CAMTA1: variants seen among roughly 807,000 people sequenced by gnomAD.
The protein encoded by CAMTA1 is calmodulin binding transcription activator 1, also known as calmodulin-binding transcription activator 1.
A neutral mutation model predicts 170.9 loss-of-function variants in CAMTA1; 27 were observed. The ratio of observed to expected loss-of-function variants is 0.16; its 90% confidence interval spans 0.12 to 0.22. CAMTA1 has a LOEUF of 0.22. Among genes scored for constraint, CAMTA1 ranks in the 10% least tolerant of loss-of-function variants. The probability of loss-of-function intolerance (pLI) is 1.00; values close to 1 mark genes in which losing one functional copy is unlikely to be tolerated. For missense variants in CAMTA1, 1,619 were observed against 2,217.2 expected (o/e 0.73, Z 5.42); for synonymous variants, 833 against 891.5 (o/e 0.93, Z 1.17).
At chr1:6,926,466 T>TTCTC (rs1553188046) in intron 3 of CAMTA1, among the ~76,000 whole-genome samples, 1 of 138,928 alleles carries the variant, frequency 7.2e-6, no homozygotes, top group Non-Finnish European at 1.5e-5. Flanking sequence ...CTTTCTTTCT[T>TTCTC]TCTTTCTTTC....
At position 7,736,520 on chromosome 1, in the gene CAMTA1, C is replaced by G; in HGVS notation, c.3243C>G (p.Ile1081Met). ...LAAAQGYATL[I>M]QTLIKWRTKH... ...CTGCCCAGGGCTATGCCACCCTAAT[C>G]CAGACCCTCATCAAATGGCGGTAAG... The change falls in exon 13 of 23, where the codon ATC becomes ATG. Residue 1081 changes from isoleucine (I) to methionine (M), a missense_variant. Coordinates refer to ENST00000303635, the MANE Select transcript of CAMTA1 (RefSeq NM_015215.4). The surrounding 1 kb of genome is among the most constrained non-coding windows in gnomAD (Gnocchi z 4.5). 1 of 1,614,206 alleles carries G rather than the reference C, an allele frequency of 6.2e-7. No individual in the cohort carries two copies. The highest frequency in any genetic ancestry group is 8.5e-7 in the Non-Finnish European group (1 of 1,180,034).
At chr1:7,116,000 A>G (rs1269533014) in intron 4 of CAMTA1, among the ~76,000 whole-genome samples, 1 of 152,214 alleles carries the variant, frequency 6.6e-6, no homozygotes, top group Non-Finnish European at 1.5e-5. Flanking sequence ...TGTTTGGCCA[A>G]TATCCAAATA....
intron 5 of CAMTA1, among the ~76,000 whole-genome samples, chr1:7,310,678 T>TTCTTTCTTTCTTTCTTTCTCTCTCTC (rs1676483647): frequency 2.9e-5 from 1 of 34,612 alleles, no homozygotes; most frequent in Non-Finnish European, 5.0e-5. Flanking sequence ...TTTCCTTTCT[T>TTCTTTCTTTCTTTCTTTCTCTCTCTC]TCTCTCTCTC....
chr1:7,370,374 T>G (rs902894033), intron 5 of CAMTA1: 1 of 152,218 alleles, frequency 6.6e-6, no homozygotes, highest in Non-Finnish European at 1.5e-5. Flanking sequence ...CCAACTATGC[T>G]CTGTGTTTTA....
intron 3 of CAMTA1, among the ~76,000 whole-genome samples, chr1:6,969,528 G>A (rs1459076497): frequency 1.3e-5 from 2 of 152,170 alleles, no homozygotes; most frequent in Non-Finnish European, 2.9e-5. Flanking sequence ...GGAACTGGTG[G>A]TGCCCAGTGA....
At chr1:7,424,788 A>G (rs1407510940) in intron 5 of CAMTA1, among the ~76,000 whole-genome samples, 1 of 152,106 alleles carries the variant, frequency 6.6e-6, no homozygotes, top group Non-Finnish European at 1.5e-5. Flanking sequence ...GTCCTTGGCC[A>G]AGTTCAACAG....
intron 6 of CAMTA1, among the ~76,000 whole-genome samples, chr1:7,566,862 C>T (rs1322284016): frequency 6.6e-6 from 1 of 152,250 alleles, no homozygotes; most frequent in Non-Finnish European, 1.5e-5. Context: ...CACATGCTGC[C>T]AGACTCCCGA....
intron 6 of CAMTA1, among the ~76,000 whole-genome samples, chr1:7,484,843 C>T (rs923626225): frequency 2.0e-5 from 3 of 152,044 alleles, no homozygotes; most frequent in East Asian, 3.8e-4. Flanking sequence ...TACAAAACCA[C>T]GTGATAACCC....
intron 6 of CAMTA1, among the ~76,000 whole-genome samples, chr1:7,500,989 G>C (rs910086529): frequency 6.6e-6 from 1 of 152,182 alleles, no homozygotes; most frequent in Non-Finnish European, 1.5e-5. Flanking sequence ...AGGGGACTGA[G>C]GTAGGGTCTG....
chr1:7,237,357 C>T (rs1430896506), intron 4 of CAMTA1, among the ~76,000 whole-genome samples: 4 of 152,122 alleles, frequency 2.6e-5, no homozygotes, highest in Admixed American at 6.5e-5. Flanking sequence ...AAAGATCCAC[C>T]GCAAGTCCAC....
chr1:7,307,384 A>G (rs746898784), intron 5 of CAMTA1, among the ~76,000 whole-genome samples: 1 of 151,644 alleles, frequency 6.6e-6, no homozygotes, highest in African/African-American at 2.4e-5. Flanking sequence ...CAATCATGCT[A>G]TCTGAAAATA....
intron 4 of CAMTA1, among the ~76,000 whole-genome samples, chr1:7,094,925 A>G (rs2148173533): frequency 6.6e-6 from 1 of 152,162 alleles, no homozygotes; most frequent in Non-Finnish European, 1.5e-5. Flanking sequence ...TGCCAGGTGA[A>G]TTGAGAATCT....
chr1:7,768,522 T>C lies in CAMTA1; in HGVS notation c.*2031T>C, dbSNP rs972412305. The C allele has an allele frequency of 2.0e-5, 3 of 152,804 alleles. No individual in the cohort carries two copies. Among genetic ancestry groups the C allele is most frequent in the African/African-American group, 4.8e-5 (2 of 41,464 alleles). 9.5% of individuals were successfully genotyped at this position (152,804 alleles called of 1,614,324 possible). The stretch of plus-strand genomic sequence containing the variant: ...AAATAAGCTTTTAAACTGGTGTCTT[T>C]GGAAGGAAGGTAGATACAAAAAGAT... On this transcript the variant is annotated 3_prime_UTR_variant, in exon 23 of 23. Transcript: ENST00000303635.
intron 11 of CAMTA1, among the ~76,000 whole-genome samples, chr1:7,721,841 C>T (rs986704450): frequency 3.9e-5 from 6 of 152,030 alleles, no homozygotes; most frequent in African/African-American, 1.5e-4. Flanking sequence ...CTTGAACTCC[C>T]GACCTCAGGT....
At chr1:6,955,122 A>C (rs988814202) in intron 3 of CAMTA1, among the ~76,000 whole-genome samples, 2 of 151,152 alleles carry the variant, frequency 1.3e-5, no homozygotes, top group Non-Finnish European at 2.9e-5. Flanking sequence ...ACCTTTCCCT[A>C]ATCAGTTCCA....
Position 7,546,190 on chromosome 1 carries a change from T to G in CAMTA1, c.510+78289T>G, listed in dbSNP as rs946645943. Among the ~76,000 whole-genome samples the G allele has an allele frequency of 3.0e-4, 46 of 152,116 alleles. 2 individuals are homozygous for G. Among genetic ancestry groups the G allele is most frequent in the Admixed American group, 2.8e-3 (43 of 15,276 alleles). ...CCAGGATAGTCTCGATCTCCTGACCTCGTGATCCACCCACCTCAGCCTCCC... is the reference window on the plus strand; with the variant it reads ...CCAGGATAGTCTCGATCTCCTGACCGCGTGATCCACCCACCTCAGCCTCCC... On this transcript the variant is annotated intron_variant, in intron 6 of 22. Coordinates refer to ENST00000303635, the MANE Select transcript of CAMTA1 (RefSeq NM_015215.4).
chr1:6,786,243 C>T (rs543676278), intron 1 of CAMTA1, among the ~76,000 whole-genome samples: 1 of 152,048 alleles, frequency 6.6e-6, no homozygotes, highest in South Asian at 2.1e-4. Flanking sequence ...CTCGTGTGAC[C>T]CCTCCCCCTT....
intron 5 of CAMTA1, among the ~76,000 whole-genome samples, chr1:7,381,969 G>A (rs1193690303): frequency 6.6e-6 from 1 of 152,208 alleles, no homozygotes; most frequent in African/African-American, 2.4e-5. Flanking sequence ...TGGGCAACTG[G>A]TTGCTCATTA....
chr1:7,128,249 C>T (rs1645045417), intron 4 of CAMTA1, among the ~76,000 whole-genome samples: 2 of 152,182 alleles, frequency 1.3e-5, no homozygotes, highest in African/African-American at 4.8e-5. Flanking sequence ...GCTCATTTTT[C>T]TGTCTCCTTT....
Sources: gnomAD v4.1 joint callset for allele counts (sites outside exome capture counted in the v4.1 genomes callset) on GRCh38, gnomAD v4.1.1 for gene constraint, Gnocchi (gnomAD v3.1) non-coding constraint, MANE v1.5 for transcripts, NCBI Gene and HGNC (gene_info 2026-07-23, HGNC 2026-07-21) for gene names.